The following ZNF141 variants were observed in gnomAD, a reference collection of about 807,000 sequenced individuals.
The protein encoded by ZNF141 is zinc finger protein 141.
Under a neutral mutation model 11.3 loss-of-function variants are expected in ZNF141, and 7 were observed. The ratio of observed to expected loss-of-function variants is 0.62; its 90% CI spans 0.35 to 1.16. ZNF141 has a LOEUF of 1.16. ZNF141 is among the 50% of genes most tolerant of loss of function. ZNF141 has a pLI of 0.02. For synonymous variants in ZNF141, 183 were observed against 190.7 expected, an observed-to-expected ratio of 0.96 and a Z score of 0.33; for missense variants, 535 against 554.0, an observed-to-expected ratio of 0.97 and a Z score of 0.34.
chr4:356,527 G>A (rs1311521060), intron 3 of ZNF141, among the ~76,000 whole-genome samples: 2 of 151,760 alleles, frequency 1.3e-5, no homozygotes, highest in African/African-American at 4.8e-5. Flanking sequence ...GGGTTTCACT[G>A]TGTTTCAATC....
Position 373,422 on chromosome 4 carries a change from C to G in ZNF141, c.985C>G (p.His329Asp). ...AFNRSTTLTK[H>D]KRIHTGEKPY... The stretch of plus-strand genomic sequence containing the variant: ...TAATAGGTCCACAACCCTTACTAAA[C>G]ATAAGAGAATTCATACTGGAGAGAA... The change falls in exon 4 of 4, where the codon CAT becomes GAT. Residue 329 changes from histidine to aspartate, a missense_variant. Physicochemically the swap from His to Asp is moderately conservative, Grantham distance 81. Coordinates refer to ENST00000240499, the MANE Select transcript of ZNF141 (RefSeq NM_003441.4). 1 of 1,614,042 alleles carries G rather than the reference C, an allele frequency of 6.2e-7. No homozygotes were observed.
In ZNF141 at chr4:379,316, T is replaced by C. The variant is rs1553855125; in HGVS notation, c.*5454T>C. Among the ~76,000 whole-genome samples, 1 of 152,206 alleles carries C rather than the reference T, an allele frequency of 6.6e-6. No homozygotes were observed. Among genetic ancestry groups the C allele is most frequent in the African/African-American group, 2.4e-5 (1 of 41,458 alleles). ...GAGCTCTAGAGTGTATTGTCTTGTA[T>C]TATATATTGTTCTGGGTCTAAGCCA... is the stretch of plus-strand genomic sequence containing the variant. On this transcript the variant is annotated 3_prime_UTR_variant, in exon 4 of 4. Transcript: ENST00000240499.
chr4:349,132 C>T (rs1721474850), intron 3 of ZNF141, among the ~76,000 whole-genome samples: 1 of 151,720 alleles, frequency 6.6e-6, no homozygotes, highest in Non-Finnish European at 1.5e-5. Flanking sequence ...TATGGAAATG[C>T]AAGAAATATT....
chr4:347,720 TTG>T (rs782256898), intron 3 of ZNF141, among the ~76,000 whole-genome samples: 1 of 148,100 alleles, frequency 6.8e-6, no homozygotes, highest in Non-Finnish European at 1.5e-5. Flanking sequence ...AAGATTTCCC[TTG>T]TATGTATTTC....
rs782751480 is a variant in ZNF141, at chr4:372,777, A to G, written c.340A>G (p.Arg114Gly). Residue 114 changes from arginine to glycine, a missense_variant, in exon 4 of 4, where the codon AGA becomes GGA. Transcript: ENST00000240499. The stretch of plus-strand genomic sequence containing the variant: ...ATGTGGACATGATAATTTACAATTA[A>G]GAAAAGGCTGTAAAAGTTTGAATGA... ...EKCGHDNLQL[R>G]KGCKSLNECK... 8 of 1,613,802 alleles carry G rather than the reference A, an allele frequency of 5.0e-6. No individual in the cohort carries two copies. The East Asian group carries it at 1.8e-4, about 36-fold the overall frequency.
chr4:338,619 G>A (rs1720904785), intron 1 of ZNF141: 1 of 153,714 alleles, frequency 6.5e-6, no homozygotes, highest in Non-Finnish European at 1.4e-5. Flanking sequence ...AGTTCTGTGA[G>A]TAGTTCTGTC....
Position 372,887 on chromosome 4 carries a change from T to A in ZNF141, c.450T>A (p.Ser150Arg). ...GCAAAATACTTCAGTGTAAAGCAAG[T>A]GTCAAAGTTGTTAGTAAATTTTCAA... Reference protein sequence around the residue: ...TQSKILQCKASVKVVSKFSNS... With the variant: ...TQSKILQCKARVKVVSKFSNS... Residue 150 changes from serine (S) to arginine (R), a missense_variant, in exon 4 of 4, where the codon AGT (serine) becomes AGA (arginine). By Grantham distance (110) the Ser-to-Arg change is moderately radical (BLOSUM62 -1). Coordinates refer to ENST00000240499, the MANE Select transcript of ZNF141 (RefSeq NM_003441.4). The A allele has an allele frequency of 1.9e-6, 3 of 1,613,516 alleles. No homozygotes were observed. The highest frequency in any genetic ancestry group is 2.5e-6 in the Non-Finnish European group (3 of 1,179,584).
At chr4:367,951 A>G (rs563339131) in intron 3 of ZNF141, among the ~76,000 whole-genome samples, 8 of 152,294 alleles carry the variant, frequency 5.3e-5, no homozygotes, top group Admixed American at 3.9e-4. Context: ...GTCATATTAT[A>G]TCGATATTCT....
chr4:356,850 T>C (rs1248588828), intron 3 of ZNF141, among the ~76,000 whole-genome samples: 8 of 152,314 alleles, frequency 5.3e-5, no homozygotes, highest in Admixed American at 2.0e-4. Flanking sequence ...ATTTTTGTTT[T>C]GTTTTTGTTG....
At position 347,438 on chromosome 4, in the gene ZNF141, C is replaced by G. The variant is rs559027312; in HGVS notation, c.226+3008C>G. ...CACTGCAAGCTCCGCCTCCTGGGTTCACGCCATTCTCCTGCCTCAGCCTCC... is the reference window on the plus strand; with the variant it reads ...CACTGCAAGCTCCGCCTCCTGGGTTGACGCCATTCTCCTGCCTCAGCCTCC... On this transcript the variant is annotated intron_variant, in intron 3 of 3. Coordinates refer to ENST00000240499, the MANE Select transcript of ZNF141 (RefSeq NM_003441.4). Among the ~76,000 whole-genome samples, 13 of 149,942 alleles carry G rather than the reference C, an allele frequency of 8.7e-5. No individual in the cohort carries two copies. In the East Asian group the frequency reaches 2.6e-3, roughly 30 times the overall value.
chr4:372,967 G>T lies in ZNF141; in HGVS notation c.530G>T (p.Gly177Val), dbSNP rs1220461744. ...HTGEKHFKEC[G>V]KSFQKFSHLT... ...GGAGAGAAACACTTTAAAGAATGTG[G>T]CAAATCATTTCAGAAGTTTTCACAC... Residue 177 changes from glycine (G) to valine (V), a missense_variant, in exon 4 of 4, where the codon GGC becomes GTC. Physicochemically the swap from Gly to Val is moderately radical, Grantham distance 109. Transcript: ENST00000240499. 1.2e-6 allele frequency: 2 copies of T among 1,614,048 alleles called. No individual in the cohort carries two copies. The highest frequency in any genetic ancestry group is 1.3e-5 in the African/African-American group (1 of 75,024).
chr4:342,154 G>A (rs1339919563), intron 1 of ZNF141, among the ~76,000 whole-genome samples: 3 of 152,184 alleles, frequency 2.0e-5, no homozygotes, highest in African/African-American at 7.2e-5. Context: ...GACACCTAGT[G>A]TCTACCTCCC....
At chr4:341,790 T>C (rs1474903068) in intron 1 of ZNF141, among the ~76,000 whole-genome samples, 2 of 152,118 alleles carry the variant, frequency 1.3e-5, no homozygotes, top group Non-Finnish European at 2.9e-5. Context: ...TCCAGTCTCC[T>C]CTCCAGAGCT....
intron 3 of ZNF141, chr4:350,341 A>G: frequency 5.1e-6 from 2 of 393,148 alleles, no homozygotes; most frequent in South Asian, 1.8e-5. Flanking sequence ...TGTGCTTACT[A>G]CTTAAAATAT....
intron 3 of ZNF141, chr4:350,369 A>G (rs782138439): frequency 1.1e-5 from 4 of 353,698 alleles, no homozygotes; most frequent in Non-Finnish European, 2.3e-5. Context: ...AAATGGAATC[A>G]TGCATTGTCA....
chr4:343,496 A>T lies in ZNF141; in HGVS notation c.4-286A>T, dbSNP rs578007403. ...ATCCCAGCACTGTGGGAGGCCGAGG[A>T]GGGCGGATCACAAGGTCAGGAGATC... On this transcript the variant is annotated intron_variant, in intron 1 of 3. Transcript: ENST00000240499. Among the ~76,000 whole-genome samples, 73 of 152,030 alleles carry T rather than the reference A, an allele frequency of 4.8e-4. 1 individual carries two copies. Among genetic ancestry groups the T allele is most frequent in the African/African-American group, 1.7e-3 (69 of 41,472 alleles).
chr4:378,089 C>T lies in ZNF141; in HGVS notation c.*4227C>T, dbSNP rs1477420103. The stretch of plus-strand genomic sequence containing the variant: ...CTGAGGCAGGAGAATCGCTTGAACC[C>T]AGGATGCAGAGGTTGCAGTGAGCTG... On this transcript the variant is annotated 3_prime_UTR_variant, in exon 4 of 4. Transcript: ENST00000240499. 2.0e-5 allele frequency: 3 copies of T among 152,128 alleles called. No individual in the cohort carries two copies. In the East Asian group the frequency reaches 5.8e-4, roughly 30 times the overall value. 9.4% of individuals were successfully genotyped at this position (152,128 alleles called of 1,614,324 possible).
intron 3 of ZNF141, among the ~76,000 whole-genome samples, chr4:354,044 C>G (rs572056119): frequency 2.0e-4 from 31 of 152,290 alleles, no homozygotes; most frequent in African/African-American, 7.0e-4. Flanking sequence ...CCAGAAGACT[C>G]ATGGGCTCTT....
intron 3 of ZNF141, among the ~76,000 whole-genome samples, chr4:361,844 G>A (rs1711513504): frequency 6.6e-6 from 1 of 152,190 alleles, no homozygotes; most frequent in African/African-American, 2.4e-5. Flanking sequence ...ACATACATGT[G>A]CATGTGTCTT....
Sources: gnomAD v4.1 joint callset for allele counts (sites outside exome capture counted in the v4.1 genomes callset) on GRCh38, gnomAD v4.1.1 for gene constraint, MANE v1.5 for transcripts, NCBI Gene and HGNC (gene_info 2026-07-23, HGNC 2026-07-21) for gene names.